The following NCALD variants were observed in gnomAD, a reference collection of about 807,000 sequenced individuals.
NCALD encodes the protein neurocalcin delta.
Under a neutral mutation model 18.6 loss-of-function variants are expected in NCALD, and 10 were observed. The ratio of observed to expected loss-of-function variants is 0.54; its 90% CI spans 0.33 to 0.91. The LOEUF is 0.91. NCALD is among the 40% of genes least tolerant of loss of function. The pLI, the probability that NCALD is intolerant of heterozygous loss-of-function variation, is 0.03. For synonymous variants in NCALD, 88 were observed against 87.4 expected (o/e 1.01, Z -0.04); for missense variants, 184 against 247.6 (o/e 0.74, Z 1.72).
chr8:101,860,768 G>A (rs889717577), intron 4 of NCALD, among the ~76,000 whole-genome samples: 5 of 152,066 alleles, frequency 3.3e-5, no homozygotes, highest in African/African-American at 7.2e-5. Context: ...GGAATGAGAG[G>A]AGCTAAATCA....
chr8:101,768,883 T>C (rs758328142), intron 1 of NCALD, among the ~76,000 whole-genome samples: 27 of 152,188 alleles, frequency 1.8e-4, no homozygotes, highest in Non-Finnish European at 2.9e-4. Context: ...TGGGTTGCTT[T>C]GCAGGGAAAA....
intron 3 of NCALD, among the ~76,000 whole-genome samples, chr8:101,891,297 A>T (rs147294826): frequency 7.7e-4 from 117 of 152,348 alleles, no homozygotes; most frequent in African/African-American, 2.7e-3. Context: ...CTCATCCTTG[A>T]CAATCACTAA....
intron 4 of NCALD, among the ~76,000 whole-genome samples, chr8:101,880,311 C>T (rs1055961833): frequency 6.6e-6 from 1 of 152,184 alleles, no homozygotes; most frequent in Non-Finnish European, 1.5e-5. Context: ...CCACTGAGCC[C>T]GAGCCCACGC....
chr8:101,813,687 T>C (rs1036467865), intron 4 of NCALD, among the ~76,000 whole-genome samples: 1 of 152,164 alleles, frequency 6.6e-6, no homozygotes, highest in African/African-American at 2.4e-5. Flanking sequence ...ACAATGTACA[T>C]GGAAGGCTTG....
Position 101,866,778 on chromosome 8 carries a change from G to A in NCALD, c.-20+20363C>T, listed in dbSNP as rs144421309. The stretch of plus-strand genomic sequence containing the variant: ...TTTTAACACTAACAGCCATTCCCAG[G>A]GGGTATTACGACGGCCTCCTAACTG... On this transcript the variant is annotated intron_variant, in intron 4 of 6. Transcript: ENST00000311028. Among the ~76,000 whole-genome samples the A allele has an allele frequency of 4.4e-3, 670 of 152,186 alleles. 8 individuals carry two copies. The highest frequency in any genetic ancestry group is 0.017 in the Middle Eastern group (5 of 294).
rs79826101 is a variant in NCALD at position 101,721,635 on chromosome 8, C to T, written c.-19-1987G>A. 3.9e-3 allele frequency among the ~76,000 whole-genome samples: 595 copies of T among 152,206 alleles called. 5 individuals carry two copies. The East Asian group carries it at 0.055, about 14-fold the overall frequency. On this transcript the variant is annotated intron_variant, in intron 1 of 3. Coordinates refer to ENST00000220931, the MANE Select transcript of NCALD (RefSeq NM_032041.3). Reference sequence around the variant, plus strand: ...TCTACGGGGTGGTGTTTGTATCTCACGCTACTCAAACTGCTTGCATAATAC... The same window carrying T: ...TCTACGGGGTGGTGTTTGTATCTCATGCTACTCAAACTGCTTGCATAATAC...
chr8:101,717,586 T>C (rs1586290662), intron 2 of NCALD, among the ~76,000 whole-genome samples: 2 of 152,308 alleles, frequency 1.3e-5, no homozygotes, highest in South Asian at 4.1e-4. Context: ...CCCCAACTCA[T>C]CACTTTCTAA....
At chr8:101,730,031 AT>A (rs1037675071) in intron 1 of NCALD, among the ~76,000 whole-genome samples, 2 of 152,214 alleles carry the variant, frequency 1.3e-5, no homozygotes, top group Non-Finnish European at 2.9e-5. Context: ...GAAAGTGAAT[AT>A]CTTCATTCCG....
chr8:101,973,205 A>G (rs759982783), intron 2 of NCALD, among the ~76,000 whole-genome samples: 15 of 152,088 alleles, frequency 9.9e-5, no homozygotes, highest in Non-Finnish European at 1.8e-4. Flanking sequence ...TTTACTTAAT[A>G]TCCTTTTTCC....
intron 1 of NCALD, among the ~76,000 whole-genome samples, chr8:102,050,821 A>G (rs2132220568): frequency 6.8e-6 from 1 of 146,170 alleles, no homozygotes; most frequent in Non-Finnish European, 1.5e-5. Context: ...AATCATTTTT[A>G]ATTTAATTAA....
At chr8:102,047,666 T>C (rs1304416981) in intron 1 of NCALD, among the ~76,000 whole-genome samples, 1 of 152,254 alleles carries the variant, frequency 6.6e-6, no homozygotes, top group Non-Finnish European at 1.5e-5. Flanking sequence ...AGGTACCGTT[T>C]ATTGAGCATT....
At chr8:102,005,834 C>T (rs1270235103) in intron 2 of NCALD, among the ~76,000 whole-genome samples, 1 of 137,812 alleles carries the variant, frequency 7.3e-6, no homozygotes, top group African/African-American at 2.8e-5. Context: ...ACAATGAGAA[C>T]ACATGGACAC....
intron 1 of NCALD, among the ~76,000 whole-genome samples, chr8:102,115,980 C>T (rs749827040): frequency 2.0e-5 from 3 of 152,018 alleles, no homozygotes; most frequent in East Asian, 1.9e-4. Context: ...AAGTAAAGGA[C>T]GGTAGATTTT....
rs374601094 is a variant in NCALD, at chr8:101,690,766, C to T, written c.485-1360G>A. 56 of 985,420 alleles carry T rather than the reference C, an allele frequency of 5.7e-5. 2 individuals are homozygous for T. In the South Asian group the frequency reaches 2.4e-3, roughly 42 times the overall value. The allele number at this position is 985,420 out of a possible 1,614,324, so 61.0% of individuals were successfully genotyped here. A position where few individuals can be genotyped will look rare whatever the true frequency, so the allele number is the denominator to read the frequency against. ...CTGTGTGCTGGCCATTTTTTATGAG[C>T]CCAGCCCTGCCCACATAGTAGTTAC... On this transcript the variant is annotated intron_variant, in intron 3 of 3. Coordinates refer to ENST00000220931, the MANE Select transcript of NCALD (RefSeq NM_032041.3).
rs192824541 is a variant in NCALD, at chr8:102,113,018, T to C, written c.-210+11219A>G. Among the ~76,000 whole-genome samples, 3 of 152,314 alleles carry C rather than the reference T, an allele frequency of 2.0e-5. No individual in the cohort carries two copies. The East Asian group carries it at 5.8e-4, about 29-fold the overall frequency. On this transcript the variant is annotated intron_variant, in intron 1 of 6. Transcript: ENST00000311028. ...TCTTTATAAATTACCCAGTCTCACT[T>C]ATTCCATTATAGCAACGCAAAATGG...
Position 101,689,812 on chromosome 8 carries a change from G to T in NCALD, c.485-406C>A, listed in dbSNP as rs776440549. ...CATTTATGAGAATGAGCTGGGCCCT[G>T]GCAGCACCCGGTTGGTTCCCATAAT... On this transcript the variant is annotated intron_variant, in intron 3 of 3. Coordinates refer to ENST00000220931, the MANE Select transcript of NCALD (RefSeq NM_032041.3). The surrounding 1 kb of genome is among the most constrained non-coding windows in gnomAD (Gnocchi z 4.4). Among the ~76,000 whole-genome samples the T allele has an allele frequency of 6.6e-6, 1 of 152,198 alleles. No homozygotes were observed. The highest frequency in any genetic ancestry group is 1.5e-5 in the Non-Finnish European group (1 of 68,028).
intron 2 of NCALD, among the ~76,000 whole-genome samples, chr8:101,927,338 G>A (rs957803879): frequency 2.0e-5 from 3 of 152,180 alleles, no homozygotes; most frequent in Non-Finnish European, 2.9e-5. Context: ...ATGGGGGGAC[G>A]GATGGAATAC....
chr8:101,895,641 A>C (rs1032812366), intron 3 of NCALD, among the ~76,000 whole-genome samples: 1 of 148,370 alleles, frequency 6.7e-6, no homozygotes, highest in Admixed American at 6.6e-5. Flanking sequence ...AAATCTCCTT[A>C]AGCTGATAAG....
At chr8:101,951,717 CCTTA>C (rs1291650884) in intron 2 of NCALD, among the ~76,000 whole-genome samples, 4 of 152,326 alleles carry the variant, frequency 2.6e-5, no homozygotes, top group African/African-American at 9.6e-5. Flanking sequence ...CATTCAACCC[CCTTA>C]CTTCAGTTTC....
Sources: gnomAD v4.1 joint callset for allele counts (sites outside exome capture counted in the v4.1 genomes callset) on GRCh38, gnomAD v4.1.1 for gene constraint, Gnocchi (gnomAD v3.1) non-coding constraint, MANE v1.5 for transcripts, NCBI Gene and HGNC (gene_info 2026-07-23, HGNC 2026-07-21) for gene names.